Variants in KCNIP4 observed in about 807,000 individuals in gnomAD.
KCNIP4 encodes the protein potassium voltage-gated channel interacting protein 4.
In KCNIP4, 12 loss-of-function variants were observed where a neutral mutation model predicts 34.0. The observed-to-expected ratio is 0.35, with a 90% CI of 0.23 to 0.57. The LOEUF is 0.57. Ranked by LOEUF, KCNIP4 falls within the 20% of genes least tolerant of loss-of-function variation. The pLI is 0.83. For synonymous variants in KCNIP4, 124 were observed against 102.2 expected (o/e 1.21, Z -1.29); for missense variants, 238 against 311.7 (o/e 0.76, Z 1.78).
intron 1 of KCNIP4, among the ~76,000 whole-genome samples, chr4:20,996,142 G>T (rs921253652): frequency 3.9e-5 from 6 of 152,208 alleles, no homozygotes; most frequent in African/African-American, 1.4e-4. Context: ...AAATCCCATT[G>T]GTTCCACCTC....
chr4:20,745,731 G>T (rs1477578846), intron 5 of KCNIP4, among the ~76,000 whole-genome samples: 2 of 152,148 alleles, frequency 1.3e-5, no homozygotes, highest in Non-Finnish European at 2.9e-5. Context: ...TTCAGTTGTG[G>T]ATTCTGTTCA....
At chr4:21,178,831 T>G (rs1008754284) in intron 1 of KCNIP4, among the ~76,000 whole-genome samples, 23 of 150,556 alleles carry the variant, frequency 1.5e-4, no homozygotes, top group Admixed American at 5.3e-4. Flanking sequence ...TTTTTTTTTT[T>G]TTTGTTTTGA....
rs1553845781 is a variant in KCNIP4, at chr4:21,247,908, TAC to T, written c.62-365201_62-365200del. Among the ~76,000 whole-genome samples, 56 of 130,926 alleles carry T rather than the reference TAC, an allele frequency of 4.3e-4. 1 individual carries two copies. The highest frequency in any genetic ancestry group is 7.7e-4 in the Non-Finnish European group (49 of 63,930). The allele number at this position is 130,926 out of a possible 152,430, so 85.9% of individuals were successfully genotyped here. On this transcript the variant is annotated intron_variant, in intron 1 of 8. Coordinates refer to ENST00000382152, the MANE Select transcript of KCNIP4 (RefSeq NM_025221.6). ...CCACAGGTAGATATATATATATATA[TAC>T]ACACACACACATATATATATACACA...
chr4:20,763,034 C>T (rs958269449), intron 3 of KCNIP4, among the ~76,000 whole-genome samples: 5 of 152,102 alleles, frequency 3.3e-5, no homozygotes, highest in African/African-American at 1.2e-4. Flanking sequence ...CCACTTATCA[C>T]GAGAACAGCA....
At chr4:21,855,314 C>T (rs1359394530) in intron 1 of KCNIP4, among the ~76,000 whole-genome samples, 14 of 152,182 alleles carry the variant, frequency 9.2e-5, no homozygotes, top group Admixed American at 1.3e-4. Flanking sequence ...GTCTGACCTC[C>T]GTTAGCTTTT....
chr4:20,752,473 G>C (rs1443358027), intron 4 of KCNIP4: 3 of 152,126 alleles, frequency 2.0e-5, no homozygotes, highest in Admixed American at 6.5e-5. Context: ...TCCTAGGCAA[G>C]CCACTTTTAT....
intron 1 of KCNIP4, among the ~76,000 whole-genome samples, chr4:21,104,715 T>G (rs1748325766): frequency 6.6e-6 from 1 of 151,518 alleles, no homozygotes; most frequent in Non-Finnish European, 1.5e-5. Flanking sequence ...TTCTAGGGTT[T>G]TTATGGTTTT....
chr4:21,940,259 A>G (rs539205195), intron 1 of KCNIP4, among the ~76,000 whole-genome samples: 13 of 152,130 alleles, frequency 8.5e-5, no homozygotes, highest in Admixed American at 2.0e-4. Context: ...TAGAACAAAC[A>G]CAGAACTTCA....
chr4:20,921,593 G>A (rs1016355482), intron 1 of KCNIP4, among the ~76,000 whole-genome samples: 1 of 152,150 alleles, frequency 6.6e-6, no homozygotes, highest in Non-Finnish European at 1.5e-5. Context: ...TTTCACATTT[G>A]AACATTTATG....
chr4:20,838,620 G>A (rs2149468018), intron 3 of KCNIP4, among the ~76,000 whole-genome samples: 1 of 152,260 alleles, frequency 6.6e-6, no homozygotes, highest in East Asian at 1.9e-4. Context: ...CCTGGACTAT[G>A]ACTACCTCAC....
intron 1 of KCNIP4, among the ~76,000 whole-genome samples, chr4:21,308,587 G>A (rs17460009): frequency 0.065 from 9,873 of 152,148 alleles, 383 homozygotes; most frequent in Non-Finnish European, 0.083. Context: ...AATACCCAAA[G>A]CATTCAATGA....
Position 20,729,001 on chromosome 4 carries a change from C to T in KCNIP4, c.*1081G>A, listed in dbSNP as rs1379314005. On this transcript the variant is annotated 3_prime_UTR_variant, in exon 9 of 9. Transcript: ENST00000382152. ...GTTGAGCACTTATTTTCTACTAAAT[C>T]TTGGTAGTAGTTGTCAATGTAATGG... 1 of 152,218 alleles carries T rather than the reference C, an allele frequency of 6.6e-6. No homozygotes were observed. The allele number at this position is 152,218 out of a possible 1,614,324, so 9.4% of individuals were successfully genotyped here. A position where few individuals can be genotyped will look rare whatever the true frequency, so the allele number is the denominator to read the frequency against.
intron 1 of KCNIP4, among the ~76,000 whole-genome samples, chr4:21,469,883 T>G (rs527486876): frequency 2.0e-4 from 30 of 152,330 alleles, no homozygotes; most frequent in Middle Eastern, 6.8e-3. Context: ...ATGATTCATG[T>G]GTTACTACAC....
chr4:21,105,398 G>T lies in KCNIP4; in HGVS notation c.62-222689C>A, dbSNP rs556411680. Among the ~76,000 whole-genome samples, 5 of 151,668 alleles carry T rather than the reference G, an allele frequency of 3.3e-5. No individual in the cohort carries two copies. In the South Asian group the frequency reaches 1.0e-3, roughly 31 times the overall value. ...TCACTCAGGATTTGGCTCTCTGTTT[G>T]TCTGTTATTGGTGTATAAGAATGCT... On this transcript the variant is annotated intron_variant, in intron 1 of 8. Transcript: ENST00000382152.
chr4:21,891,848 T>C, intron 1 of KCNIP4, among the ~76,000 whole-genome samples: 1 of 152,100 alleles, frequency 6.6e-6, no homozygotes, highest in Non-Finnish European at 1.5e-5. Context: ...AAATTAGGAA[T>C]TCCTAGGCAT....
chr4:20,989,705 A>C (rs894146322), intron 1 of KCNIP4, among the ~76,000 whole-genome samples: 1 of 152,194 alleles, frequency 6.6e-6, no homozygotes, highest in Non-Finnish European at 1.5e-5. Context: ...ACTGTGACTC[A>C]TGCCTGTAAT....
intron 1 of KCNIP4, among the ~76,000 whole-genome samples, chr4:21,109,261 G>T (rs926305116): frequency 7.0e-6 from 1 of 141,954 alleles, no homozygotes; most frequent in African/African-American, 2.5e-5. Flanking sequence ...CACCCAGTTC[G>T]AGCTTCCCGG....
intron 1 of KCNIP4, among the ~76,000 whole-genome samples, chr4:21,519,386 G>T (rs184928735): frequency 0.014 from 1,784 of 131,926 alleles, 37 homozygotes; most frequent in Middle Eastern, 0.032. Flanking sequence ...ATATGTATGT[G>T]TATATATACA....
intron 1 of KCNIP4, among the ~76,000 whole-genome samples, chr4:20,900,615 T>G (rs1727062628): frequency 1.3e-5 from 2 of 152,174 alleles, no homozygotes; most frequent in Admixed American, 1.3e-4. Context: ...CAAACCTTTC[T>G]GTCCCTGGGA....
Sources: gnomAD v4.1 joint callset for allele counts (sites outside exome capture counted in the v4.1 genomes callset) on GRCh38, gnomAD v4.1.1 for gene constraint, MANE v1.5 for transcripts, NCBI Gene and HGNC (gene_info 2026-07-23, HGNC 2026-07-21) for gene names.